The following NDRG1 variants were observed in gnomAD, a reference collection of about 807,000 sequenced individuals.
NDRG1 encodes N-myc downstream regulated 1.
Under a neutral mutation model 56.9 loss-of-function variants are expected in NDRG1, and 32 were observed. The ratio of observed to expected loss-of-function variants is 0.56; its 90% CI spans 0.42 to 0.76. The LOEUF is 0.76. Ranked by LOEUF, NDRG1 falls within the 30% of genes least tolerant of loss-of-function variation. NDRG1 has a pLI of 0.00. For synonymous variants in NDRG1, 211 were observed against 204.1 expected (o/e 1.03, Z -0.29); for missense variants, 507 against 545.7 (o/e 0.93, Z 0.71).
chr8:133,281,439 G>A (rs980457777), intron 2 of NDRG1, among the ~76,000 whole-genome samples: 1 of 151,996 alleles, frequency 6.6e-6, no homozygotes, highest in Non-Finnish European at 1.5e-5. Context: ...GGCCCAGGAA[G>A]ACAGAGAAAA....
At chr8:133,253,896 G>A (rs1196874979) in intron 9 of NDRG1, among the ~76,000 whole-genome samples, 1 of 151,534 alleles carries the variant, frequency 6.6e-6, no homozygotes, top group Non-Finnish European at 1.5e-5. Flanking sequence ...GAGACAAGGT[G>A]TCACTATGTT....
At chr8:133,256,976 G>T in intron 7 of NDRG1, 113 bp from the exon 8 acceptor site, 1 of 1,000,242 alleles carries the variant, frequency 1.0e-6, no homozygotes, top group Non-Finnish European at 1.5e-6. Context: ...AGTGTGGGCA[G>T]CAGAGCAGGC....
chr8:133,257,782 CCTTT>C (rs1362420070), intron 7 of NDRG1, among the ~76,000 whole-genome samples: 1 of 152,108 alleles, frequency 6.6e-6, no homozygotes, highest in Non-Finnish European at 1.5e-5. Context: ...TGTCAGCATT[CCTTT>C]CTTTTTTTTG....
chr8:133,249,299 C>T (rs541970077), intron 10 of NDRG1: 16 of 173,642 alleles, frequency 9.2e-5, no homozygotes, highest in South Asian at 5.2e-4. Context: ...AGCCCAGTGC[C>T]GACCACCTTT....
At chr8:133,272,019 G>C (rs1230415776) in intron 3 of NDRG1, among the ~76,000 whole-genome samples, 1 of 152,124 alleles carries the variant, frequency 6.6e-6, no homozygotes, top group African/African-American at 2.4e-5. Context: ...AAGATAGATA[G>C]GTCCTTGGGC....
rs147777117 is a variant in NDRG1 at position 133,244,610 on chromosome 8, G to A, written c.856-220C>T. ...GCAACCATCACTTGCAGCTTGCTAC[G>A]TGCCAGGCACTATGCTAGGCCCTAC... On this transcript the variant is annotated intron_variant, in intron 13 of 15. Transcript: ENST00000323851. 1.6e-3 allele frequency: 1,046 copies of A among 642,464 alleles called. 2 individuals carry two copies. The highest frequency in any genetic ancestry group is 2.2e-3 in the Admixed American group (100 of 44,888). The allele number at this position is 642,464 out of a possible 1,614,324, so 39.8% of individuals were successfully genotyped here. A position where few individuals can be genotyped will look rare whatever the true frequency, so the allele number is the denominator to read the frequency against.
intron 13 of NDRG1, among the ~76,000 whole-genome samples, chr8:133,245,466 T>A (rs1220604357): frequency 3.9e-5 from 6 of 152,126 alleles, no homozygotes; most frequent in African/African-American, 1.2e-4. Context: ...TAACGGCTGA[T>A]GTTATTAAAA....
In NDRG1 at chr8:133,262,059, G is replaced by A. The variant is rs570291930; in HGVS notation, c.314C>T (p.Ser105Phe). 1 of 1,612,514 alleles carries A rather than the reference G, an allele frequency of 6.2e-7. No individual in the cohort carries two copies. Residue 105 changes from serine (S) to phenylalanine (F), a missense_variant, in exon 5 of 16, where the codon TCC (serine) becomes TTC (phenylalanine). Transcript: ENST00000323851. ...DAPGQQDGAA[S>F]FPAGYMYPSM... is the part of the protein sequence containing the mutation. ...AGAGGCCTCTCACCCTGCGGGGAAG[G>A]AGGCTGCGCCGTCCTGCTGGCCAGG...
At chr8:133,241,786 T>A in intron 15 of NDRG1, 1 of 598,420 alleles carries the variant, frequency 1.7e-6, no homozygotes, top group South Asian at 2.0e-5. Context: ...CCCCCCAAAA[T>A]CCCTGGTGTG....
intron 8 of NDRG1, 123 bp from the exon 9 acceptor site, chr8:133,254,718 C>CA: frequency 1.1e-6 from 1 of 930,306 alleles, no homozygotes; most frequent in African/African-American, 1.6e-5. Flanking sequence ...ATGCAGGCCT[C>CA]AAGGACATCC....
At chr8:133,263,598 A>C (rs995070587) in intron 4 of NDRG1, among the ~76,000 whole-genome samples, 1 of 152,250 alleles carries the variant, frequency 6.6e-6, no homozygotes, top group African/African-American at 2.4e-5. Flanking sequence ...CCAAAAAGTG[A>C]AAATGCCCCA....
chr8:133,275,550 C>G (rs1223500499), intron 3 of NDRG1, among the ~76,000 whole-genome samples: 1 of 152,094 alleles, frequency 6.6e-6, no homozygotes, highest in African/African-American at 2.4e-5. Flanking sequence ...TGCAATGTCA[C>G]CACTTAAAAA....
chr8:133,257,012 C>G (rs1404394619), intron 7 of NDRG1, 149 bp from the exon 8 acceptor site: 2 of 752,548 alleles, frequency 2.7e-6, no homozygotes, highest in Non-Finnish European at 4.6e-6. Flanking sequence ...CCACCCCATG[C>G]AAAACTGAGG....
chr8:133,293,200 G>C (rs1419384445), intron 1 of NDRG1, among the ~76,000 whole-genome samples: 1 of 152,188 alleles, frequency 6.6e-6, no homozygotes, highest in Non-Finnish European at 1.5e-5. Flanking sequence ...CTGCCTACCT[G>C]CCTGGGCTAA....
intron 1 of NDRG1, among the ~76,000 whole-genome samples, chr8:133,293,794 G>A (rs1387778278): frequency 1.3e-5 from 2 of 152,198 alleles, no homozygotes; most frequent in Non-Finnish European, 2.9e-5. Flanking sequence ...AGAATCGCAG[G>A]AGACCGGGCC....
At chr8:133,266,280 A>G (rs976946388) in intron 3 of NDRG1, among the ~76,000 whole-genome samples, 2 of 152,262 alleles carry the variant, frequency 1.3e-5, no homozygotes, top group African/African-American at 2.4e-5. Context: ...AGCACGCTGC[A>G]TTGATTTTCC....
chr8:133,252,200 A>C (rs1376012744), intron 9 of NDRG1, among the ~76,000 whole-genome samples: 2 of 152,016 alleles, frequency 1.3e-5, no homozygotes, highest in South Asian at 2.1e-4. Flanking sequence ...GGTTCAAGTG[A>C]TTCTCCTGTC....
chr8:133,281,917 C>T (rs1857829772), intron 2 of NDRG1, among the ~76,000 whole-genome samples: 1 of 152,134 alleles, frequency 6.6e-6, no homozygotes, highest in Admixed American at 6.6e-5. Flanking sequence ...CAGCAAACAC[C>T]AACCTTCAAA....
chr8:133,285,608 C>T (rs932490739), intron 1 of NDRG1, among the ~76,000 whole-genome samples: 9 of 152,204 alleles, frequency 5.9e-5, no homozygotes, highest in African/African-American at 1.9e-4. Context: ...CGGGCCACCC[C>T]GAATCCACCC....
Sources: gnomAD v4.1 joint callset for allele counts (sites outside exome capture counted in the v4.1 genomes callset) on GRCh38, gnomAD v4.1.1 for gene constraint, MANE v1.5 for transcripts, NCBI Gene and HGNC (gene_info 2026-07-23, HGNC 2026-07-21) for gene names.